Variants in SGCZ observed in about 807,000 individuals in gnomAD.
The protein encoded by SGCZ is zeta-sarcoglycan.
SGCZ carries 40 observed loss-of-function variants against 41.3 expected under a neutral mutation model. The ratio of observed to expected loss-of-function variants is 0.97; its 90% CI spans 0.75 to 1.26. The LOEUF (loss-of-function observed/expected upper bound fraction) is 1.26. SGCZ is among the 50% of genes most tolerant of loss of function. The probability of loss-of-function intolerance (pLI) is 0.00; values close to 1 mark genes in which losing one functional copy is unlikely to be tolerated. For missense variants in SGCZ, 552 were observed against 369.8 expected (o/e 1.49, Z -4.04); for synonymous variants, 206 against 137.5 (o/e 1.50, Z -3.49).
chr8:14,406,703 T>C (rs1049298975), intron 2 of SGCZ, among the ~76,000 whole-genome samples: 2 of 133,464 alleles, frequency 1.5e-5, no homozygotes, highest in African/African-American at 6.4e-5. Flanking sequence ...TCCCTGAAAA[T>C]TACTGCCCCT....
rs188644004 is a variant in SGCZ, at chr8:14,270,451, A to C, written c.337-32772T>G. Among the ~76,000 whole-genome samples the C allele has an allele frequency of 2.4e-3, 362 of 152,324 alleles. 1 individual carries two copies. Among genetic ancestry groups the C allele is most frequent in the Non-Finnish European group, 4.8e-3 (328 of 68,026 alleles). On this transcript the variant is annotated intron_variant, in intron 3 of 7. Transcript: ENST00000382080. ...TGAGAAATATCCCAGTTACATTTTA[A>C]AATGAACCGATACGGCTTCAGTTTT... is the stretch of plus-strand genomic sequence containing the variant.
At chr8:14,952,172 G>A (rs1048901116) in intron 1 of SGCZ, among the ~76,000 whole-genome samples, 16 of 151,846 alleles carry the variant, frequency 1.1e-4, no homozygotes, top group Admixed American at 9.2e-4. Flanking sequence ...TCATAAATCC[G>A]AGTTACTCCT....
chr8:15,112,020 A>T (rs900001978), intron 1 of SGCZ, among the ~76,000 whole-genome samples: 1 of 152,222 alleles, frequency 6.6e-6, no homozygotes, highest in Non-Finnish European at 1.5e-5. Context: ...TACCACACTC[A>T]AGGCCTGCCT....
intron 1 of SGCZ, among the ~76,000 whole-genome samples, chr8:14,778,127 C>A (rs1039336573): frequency 6.6e-6 from 1 of 152,020 alleles, no homozygotes; most frequent in Non-Finnish European, 1.5e-5. Context: ...GAGGTCTCAA[C>A]TGATTGTCCC....
chr8:14,586,669 G>A (rs1436535443), intron 1 of SGCZ, among the ~76,000 whole-genome samples: 1 of 152,166 alleles, frequency 6.6e-6, no homozygotes, highest in African/African-American at 2.4e-5. Context: ...ACCTCAGGAT[G>A]TCTCATTACT....
At chr8:14,260,902 T>A (rs36165160) in intron 3 of SGCZ, among the ~76,000 whole-genome samples, 25,942 of 151,636 alleles carry the variant, frequency 0.17, 2,345 homozygotes, top group Admixed American at 0.23. Flanking sequence ...AACAATGAGA[T>A]CACATGGACA....
intron 1 of SGCZ, among the ~76,000 whole-genome samples, chr8:14,645,651 A>G (rs1563175844): frequency 6.6e-6 from 1 of 151,452 alleles, no homozygotes; most frequent in African/African-American, 2.4e-5. Flanking sequence ...TTATAACACT[A>G]TTATACCCCA....
At chr8:14,616,330 C>G (rs994694787) in intron 1 of SGCZ, among the ~76,000 whole-genome samples, 3 of 151,430 alleles carry the variant, frequency 2.0e-5, no homozygotes, top group Non-Finnish European at 4.4e-5. Context: ...ACTGATGATG[C>G]ACAGATGATC....
At chr8:14,823,049 TC>T (rs1261196827) in intron 1 of SGCZ, among the ~76,000 whole-genome samples, 1 of 68,112 alleles carries the variant, frequency 1.5e-5, no homozygotes, top group Non-Finnish European at 2.4e-5. Context: ...GCCACACCAA[TC>T]CTCATAAAAA....
intron 2 of SGCZ, among the ~76,000 whole-genome samples, chr8:14,528,843 C>T (rs7820050): frequency 1.6e-4 from 22 of 140,178 alleles, no homozygotes; most frequent in Middle Eastern, 3.7e-3. Context: ...AAAAACAAAA[C>T]AAAAACAAAA....
At chr8:15,231,724 C>A (rs1801947258) in intron 1 of SGCZ, among the ~76,000 whole-genome samples, 1 of 147,804 alleles carries the variant, frequency 6.8e-6, no homozygotes, top group Non-Finnish European at 1.5e-5. Context: ...CACCTTCAAG[C>A]AATTCTCTCG....
intron 1 of SGCZ, among the ~76,000 whole-genome samples, chr8:14,708,176 A>G (rs1478483766): frequency 6.6e-6 from 1 of 151,756 alleles, no homozygotes; most frequent in Non-Finnish European, 1.5e-5. Flanking sequence ...TTTTCATTCG[A>G]TTTTGTCTAC....
intron 1 of SGCZ, among the ~76,000 whole-genome samples, chr8:14,833,291 G>C (rs1802592792): frequency 6.6e-6 from 1 of 152,122 alleles, no homozygotes; most frequent in African/African-American, 2.4e-5. Context: ...AGAGTCATAT[G>C]TGAGTAAAAT....
intron 1 of SGCZ, among the ~76,000 whole-genome samples, chr8:14,926,508 C>T (rs188850491): frequency 6.6e-6 from 1 of 152,126 alleles, no homozygotes; most frequent in Admixed American, 6.5e-5. Context: ...CCTCTTTGTT[C>T]TAAACAAATG....
chr8:14,425,190 G>A (rs1799744713), intron 2 of SGCZ, among the ~76,000 whole-genome samples: 1 of 152,126 alleles, frequency 6.6e-6, no homozygotes, highest in African/African-American at 2.4e-5. Context: ...ACCACGGGAT[G>A]CCAAGAAATC....
intron 3 of SGCZ, among the ~76,000 whole-genome samples, chr8:14,278,712 G>C (rs1005594567): frequency 1.3e-5 from 2 of 152,062 alleles, no homozygotes; most frequent in Non-Finnish European, 2.9e-5. Context: ...AACTGAATAT[G>C]CTTCTAAGTA....
At chr8:14,633,948 T>C (rs1216442518) in intron 1 of SGCZ, among the ~76,000 whole-genome samples, 1 of 151,944 alleles carries the variant, frequency 6.6e-6, no homozygotes, top group Non-Finnish European at 1.5e-5. Context: ...AGTTCAGAAA[T>C]GAATACTAAC....
chr8:14,121,331 T>G (rs553181339), intron 5 of SGCZ, among the ~76,000 whole-genome samples: 1 of 152,230 alleles, frequency 6.6e-6, no homozygotes, highest in South Asian at 2.1e-4. Flanking sequence ...TTCACTACTA[T>G]TCTCCACTTT....
At chr8:14,569,721 G>C (rs979394037) in intron 1 of SGCZ, among the ~76,000 whole-genome samples, 1 of 152,142 alleles carries the variant, frequency 6.6e-6, no homozygotes, top group African/African-American at 2.4e-5. Flanking sequence ...ATTTAGATAG[G>C]GCAGCCTGTC....
Sources: gnomAD v4.1 joint callset for allele counts (sites outside exome capture counted in the v4.1 genomes callset) on GRCh38, gnomAD v4.1.1 for gene constraint, MANE v1.5 for transcripts, NCBI Gene and HGNC (gene_info 2026-07-23, HGNC 2026-07-21) for gene names.